Variants in HECTD2 observed in about 807,000 individuals in gnomAD.
HECTD2 encodes the protein HECT domain E3 ubiquitin protein ligase 2.
Under a neutral mutation model 103.2 loss-of-function variants are expected in HECTD2, and 35 were observed. The ratio of observed to expected loss-of-function variants is 0.34; its 90% confidence interval spans 0.26 to 0.45. The LOEUF is 0.45. HECTD2 is among the 20% of genes least tolerant of loss of function. The pLI, the probability that HECTD2 is intolerant of heterozygous loss-of-function variation, is 1.00. For missense variants in HECTD2, 596 were observed against 937.4 expected, an observed-to-expected ratio of 0.64 and a Z score of 4.76; for synonymous variants, 281 against 329.9, an observed-to-expected ratio of 0.85 and a Z score of 1.61.
intron 20 of HECTD2, among the ~76,000 whole-genome samples, chr10:91,502,278 T>C (rs891476169): frequency 1.3e-5 from 2 of 152,212 alleles, no homozygotes; most frequent in Non-Finnish European, 2.9e-5. Flanking sequence ...TCCTTAGATA[T>C]ATTTTATGCC....
intron 2 of HECTD2, among the ~76,000 whole-genome samples, chr10:91,430,266 T>C (rs1843785021): frequency 6.6e-6 from 1 of 152,214 alleles, no homozygotes; most frequent in Non-Finnish European, 1.5e-5. Flanking sequence ...ATTTCTGTTC[T>C]TTTACATTTG....
intron 15 of HECTD2, among the ~76,000 whole-genome samples, chr10:91,496,917 CTTTA>C (rs756057624): frequency 4.6e-4 from 69 of 150,240 alleles, no homozygotes; most frequent in African/African-American, 1.5e-3. Context: ...ATTTTTAAAT[CTTTA>C]TTTATGGATA....
chr10:91,427,619 T>C (rs570389223), intron 2 of HECTD2, among the ~76,000 whole-genome samples: 11 of 152,342 alleles, frequency 7.2e-5, no homozygotes, highest in African/African-American at 2.6e-4. Context: ...CATTTTTTCA[T>C]GTGTTTTTTG....
chr10:91,508,975 G>C (rs1345466865), intron 20 of HECTD2, among the ~76,000 whole-genome samples: 1 of 151,810 alleles, frequency 6.6e-6, no homozygotes, highest in Non-Finnish European at 1.5e-5. Context: ...TCCTTTGTAG[G>C]GATATGGATG....
chr10:91,454,713 T>G (rs1844995353), intron 2 of HECTD2, among the ~76,000 whole-genome samples: 1 of 151,752 alleles, frequency 6.6e-6, no homozygotes, highest in Non-Finnish European at 1.5e-5. Flanking sequence ...ATGCTATCGC[T>G]CCCCCCTCCC....
In HECTD2 at chr10:91,410,376, G is replaced by C; in HGVS notation, c.-63G>C. The C allele has an allele frequency of 8.8e-7, 1 of 1,135,200 alleles. No individual in the cohort carries two copies. Among genetic ancestry groups the C allele is most frequent in the Non-Finnish European group, 1.1e-6 (1 of 892,124 alleles). The allele number at this position is 1,135,200 out of a possible 1,614,324, so 70.3% of individuals were successfully genotyped here. On this transcript the variant is annotated 5_prime_UTR_variant, in exon 1 of 21. Transcript: ENST00000298068. ...TCTCGCGGCCGCGGCGGCAGCAGCA[G>C]CGCCAGCCCCAGCAACACTGAGGCC...
At position 91,505,190 on chromosome 10, in the gene HECTD2, G is replaced by A. The variant is rs564248378; in HGVS notation, c.2210+3856G>A. On this transcript the variant is annotated intron_variant, in intron 20 of 20. Transcript: ENST00000298068. ...ATCATGCCAAAATGTAAAGACCATC[G>A]AGACTAGGAAGAAACTGCATCAACT... Among the ~76,000 whole-genome samples the A allele has an allele frequency of 3.5e-3, 535 of 151,686 alleles. 3 individuals are homozygous for A. The highest frequency in any genetic ancestry group is 7.3e-3 in the South Asian group (35 of 4,768).
intron 14 of HECTD2, among the ~76,000 whole-genome samples, chr10:91,494,331 C>A (rs776071586): frequency 1.3e-5 from 2 of 151,916 alleles, no homozygotes; most frequent in Non-Finnish European, 2.9e-5. Flanking sequence ...AAAAATGGAA[C>A]AATTACATTT....
intron 20 of HECTD2, among the ~76,000 whole-genome samples, chr10:91,504,940 C>T (rs1420707195): frequency 6.6e-6 from 1 of 152,110 alleles, no homozygotes; most frequent in African/African-American, 2.4e-5. Flanking sequence ...TGGCAGAAAC[C>T]CTACAAGCCA....
intron 2 of HECTD2, among the ~76,000 whole-genome samples, chr10:91,454,696 T>A (rs1210920830): frequency 6.6e-6 from 1 of 152,172 alleles, no homozygotes; most frequent in African/African-American, 2.4e-5. Context: ...ATTAGGTATA[T>A]CTCCTAATGC....
At chr10:91,482,826 A>C in intron 7 of HECTD2, 141 bp from the exon 8 acceptor site, 1 of 470,076 alleles carries the variant, frequency 2.1e-6, no homozygotes, top group Non-Finnish European at 3.8e-6. Context: ...AGTCTCTGTT[A>C]ATTAAATAAC....
intron 20 of HECTD2, among the ~76,000 whole-genome samples, chr10:91,509,503 A>G (rs1287359686): frequency 2.0e-5 from 3 of 152,170 alleles, no homozygotes; most frequent in Non-Finnish European, 2.9e-5. Flanking sequence ...AGACACATGC[A>G]TGCATATGTT....
At chr10:91,478,337 ATG>A in intron 6 of HECTD2, 72 bp downstream of exon 6, 1 of 884,096 alleles carries the variant, frequency 1.1e-6, no homozygotes, top group East Asian at 2.5e-5. Flanking sequence ...TCTTTAACAC[ATG>A]TGTATGTATT....
chr10:91,453,945 A>G lies in HECTD2; in HGVS notation c.269-6482A>G, dbSNP rs186658845. Among the ~76,000 whole-genome samples, 256 of 152,276 alleles carry G rather than the reference A, an allele frequency of 1.7e-3. 1 individual carries two copies. Among genetic ancestry groups the G allele is most frequent in the African/African-American group, 6.0e-3 (249 of 41,592 alleles). ...AAAACTCATGGAGACAGAGGGGAAC[A>G]TTATATAATGATAAAAGGGATAATC... On this transcript the variant is annotated intron_variant, in intron 2 of 20. Transcript: ENST00000298068.
At chr10:91,435,608 G>T (rs1844080869) in intron 2 of HECTD2, among the ~76,000 whole-genome samples, 1 of 151,984 alleles carries the variant, frequency 6.6e-6, no homozygotes, top group East Asian at 1.9e-4. Context: ...TGTGATTCCT[G>T]TTCCTTTGAA....
intron 2 of HECTD2, among the ~76,000 whole-genome samples, chr10:91,451,071 CAT>C (rs1233373523): frequency 6.6e-6 from 1 of 152,118 alleles, no homozygotes; most frequent in Admixed American, 6.5e-5. Flanking sequence ...CACATGCACA[CAT>C]ATGTTTATGA....
chr10:91,415,189 A>G (rs979359075), intron 1 of HECTD2, among the ~76,000 whole-genome samples: 5 of 124,364 alleles, frequency 4.0e-5, no homozygotes, highest in Non-Finnish European at 7.9e-5. Flanking sequence ...TCCAAATTAG[A>G]GAAAGTGTGT....
chr10:91,492,576 T>C, intron 13 of HECTD2, 92 bp downstream of exon 13: 1 of 988,204 alleles, frequency 1.0e-6, no homozygotes, highest in Non-Finnish European at 1.5e-6. Context: ...TCTGTGATTT[T>C]ACAGACTTTT....
chr10:91,434,961 A>G (rs1242250766), intron 2 of HECTD2, among the ~76,000 whole-genome samples: 2 of 152,020 alleles, frequency 1.3e-5, no homozygotes, highest in East Asian at 1.9e-4. Flanking sequence ...TGTTATGACA[A>G]TGTATGTAGA....
Sources: allele counts gnomAD v4.1 joint callset (sites outside exome capture counted in the v4.1 genomes callset), GRCh38; gene constraint gnomAD v4.1.1; transcripts MANE v1.5; gene names NCBI Gene and HGNC (gene_info 2026-07-23, HGNC 2026-07-21).